The following USP49 variants were observed in gnomAD, a reference collection of about 807,000 sequenced individuals.
USP49 encodes the protein ubiquitin carboxyl-terminal hydrolase 49.
Under a neutral mutation model 58.6 loss-of-function variants are expected in USP49, and 24 were observed. That is an observed-to-expected ratio of 0.41 (90% CI 0.30 to 0.58). The LOEUF (loss-of-function observed/expected upper bound fraction) is 0.58. USP49 is among the 20% of genes least tolerant of loss of function. The pLI, the probability that USP49 is intolerant of heterozygous loss-of-function variation, is 0.30. For synonymous variants in USP49, 408 were observed against 365.1 expected (o/e 1.12, Z -1.34); for missense variants, 703 against 866.1 (o/e 0.81, Z 2.36).
At chr6:41,814,479 A>C (rs1773314595) in intron 3 of USP49, among the ~76,000 whole-genome samples, 1 of 152,200 alleles carries the variant, frequency 6.6e-6, no homozygotes, top group Non-Finnish European at 1.5e-5. Flanking sequence ...TAGGATTCTA[A>C]ATATTTCAAA....
At chr6:41,862,631 AT>A (rs1774242553) in intron 3 of USP49, among the ~76,000 whole-genome samples, 1 of 152,250 alleles carries the variant, frequency 6.6e-6, no homozygotes, top group Non-Finnish European at 1.5e-5. Flanking sequence ...AAACAATGTG[AT>A]TTAATGAACT....
At chr6:41,811,182 C>T (rs1773252208) in intron 3 of USP49, among the ~76,000 whole-genome samples, 1 of 152,170 alleles carries the variant, frequency 6.6e-6, no homozygotes, top group South Asian at 2.1e-4. Flanking sequence ...AGACTACTCT[C>T]AATCAAGCCA....
intron 3 of USP49, among the ~76,000 whole-genome samples, chr6:41,824,708 A>G (rs577899138): frequency 3.3e-5 from 5 of 152,198 alleles, no homozygotes; most frequent in Non-Finnish European, 7.3e-5. Context: ...CTCTGTCTCC[A>G]AAACAAAAAA....
rs199794823 is a variant in USP49 at position 41,802,074 on chromosome 6, ACT to A, written c.1561+1730_1561+1731del. On this transcript the variant is annotated intron_variant, in intron 5 of 7. Transcript: ENST00000682992. ...CTAATGAAACAATTTGATTCACCTG[ACT>A]CTGTATCTCAAAATGGAACAGGATA... Among the ~76,000 whole-genome samples the A allele has an allele frequency of 6.6e-3, 996 of 151,918 alleles. 13 individuals are homozygous for A. The highest frequency in any genetic ancestry group is 0.023 in the African/African-American group (947 of 41,432).
chr6:41,852,154 C>CA (rs947191437), intron 3 of USP49, among the ~76,000 whole-genome samples: 2 of 151,960 alleles, frequency 1.3e-5, no homozygotes, highest in African/African-American at 4.8e-5. Context: ...GGTAAAACCC[C>CA]ATCTCTACTA....
At chr6:41,841,207 C>T (rs1773821878) in intron 3 of USP49, among the ~76,000 whole-genome samples, 1 of 152,016 alleles carries the variant, frequency 6.6e-6, no homozygotes, top group East Asian at 1.9e-4. Context: ...TCCCCGCAAC[C>T]CAGAAGGGTC....
intron 3 of USP49, among the ~76,000 whole-genome samples, chr6:41,855,435 A>T (rs568986676): frequency 2.5e-4 from 38 of 152,096 alleles, no homozygotes; most frequent in African/African-American, 8.7e-4. Context: ...GAATCACTTG[A>T]ACCCAGGAGG....
intron 2 of USP49, among the ~76,000 whole-genome samples, chr6:41,872,026 A>G (rs904322881): frequency 2.6e-5 from 4 of 152,248 alleles, no homozygotes; most frequent in African/African-American, 9.6e-5. Flanking sequence ...ATTTTTGCGT[A>G]AGCAAAATAT....
chr6:41,848,733 T>C (rs576969229), intron 3 of USP49, among the ~76,000 whole-genome samples: 1 of 151,582 alleles, frequency 6.6e-6, no homozygotes, highest in Non-Finnish European at 1.5e-5. Flanking sequence ...CAGGCACCTG[T>C]AGTCCCAGCT....
intron 3 of USP49, among the ~76,000 whole-genome samples, chr6:41,828,575 T>TTC (rs1773582471): frequency 6.6e-6 from 1 of 152,248 alleles, no homozygotes; most frequent in Admixed American, 6.5e-5. Flanking sequence ...TAGGCTGTTT[T>TTC]ATATTTTTCA....
chr6:41,806,498 G>A lies in USP49; in HGVS notation c.486C>T (p.Ser162=). The change falls in exon 4 of 8, where the codon AGC becomes AGT. Residue 162 remains serine (S), a synonymous_variant. Transcript: ENST00000682992. The surrounding 1 kb of genome is among the most constrained non-coding windows in gnomAD (Gnocchi z 5.9). The stretch of plus-strand genomic sequence containing the variant: ...GCTCCAGCTTCGCCTGGCCCCGGGA[G>A]CTCTTCTCGAACCACAGCCGCAGCG... ...ARTLRLWFEK[S]SRGQAKLEQR... is the part of the protein sequence containing the mutation. The A allele has an allele frequency of 6.3e-7, 1 of 1,597,466 alleles. No homozygotes were observed. The highest frequency in any genetic ancestry group is 1.1e-5 in the South Asian group (1 of 90,874).
chr6:41,859,635 A>C (rs1266392671), intron 3 of USP49, among the ~76,000 whole-genome samples: 1 of 152,196 alleles, frequency 6.6e-6, no homozygotes, highest in East Asian at 1.9e-4. Context: ...CGAGTGAATA[A>C]ACAAATAACG....
At chr6:41,822,812 C>T (rs1225924239) in intron 3 of USP49, among the ~76,000 whole-genome samples, 2 of 112,496 alleles carry the variant, frequency 1.8e-5, no homozygotes, top group South Asian at 3.3e-4. Context: ...GAGTGAGACT[C>T]CATCTCAAAA....
chr6:41,884,829 TAATA>T (rs1447892300), intron 2 of USP49, among the ~76,000 whole-genome samples: 1 of 152,214 alleles, frequency 6.6e-6, no homozygotes, highest in Non-Finnish European at 1.5e-5. Context: ...CAGTAGCATA[TAATA>T]TATACTAAAA....
At chr6:41,856,861 C>T (rs1197348060) in intron 3 of USP49, among the ~76,000 whole-genome samples, 1 of 152,142 alleles carries the variant, frequency 6.6e-6, no homozygotes, top group East Asian at 1.9e-4. Context: ...TGTTGTTAAT[C>T]TCTTACTGTG....
rs34281670 is a variant in USP49, at chr6:41,817,150, C to CTTTTTTTTTTTTTTTTTTTTTTT, written c.-28-10140_-28-10139insAAAAAAAAAAAAAAAAAAAAAAA. ...CCACCACGCCTGGCTCCCACGCATG[C>CTTTTTTTTTTTTTTTTTTTTTTT]TTTTTTTTTTTTTTTTTGAGACAGA... On this transcript the variant is annotated intron_variant, in intron 3 of 7. Transcript: ENST00000682992. Among the ~76,000 whole-genome samples, 10 of 104,340 alleles carry CTTTTTTTTTTTTTTTTTTTTTTT rather than the reference C, an allele frequency of 9.6e-5. 1 individual carries two copies. Among genetic ancestry groups the CTTTTTTTTTTTTTTTTTTTTTTT allele is most frequent in the African/African-American group, 3.1e-4 (7 of 22,554 alleles). The allele number at this position is 104,340 out of a possible 152,430, so 68.5% of individuals were successfully genotyped here.
At chr6:41,857,667 G>A (rs1774154007) in intron 3 of USP49, among the ~76,000 whole-genome samples, 1 of 152,156 alleles carries the variant, frequency 6.6e-6, no homozygotes, top group African/African-American at 2.4e-5. Flanking sequence ...TCTAGAGTAT[G>A]AGGAACTCTT....
chr6:41,842,050 G>A (rs758225194), intron 3 of USP49, among the ~76,000 whole-genome samples: 7 of 147,762 alleles, frequency 4.7e-5, no homozygotes, highest in Non-Finnish European at 6.0e-5. Context: ...GAGCAAGACC[G>A]TGTCTCTAAT....
rs1340762051 is a variant in USP49, at chr6:41,802,458, TTA to T, written c.1561+1346_1561+1347del. Among the ~76,000 whole-genome samples the T allele has an allele frequency of 4.8e-5, 4 of 84,064 alleles. No homozygotes were observed. In the South Asian group the frequency reaches 1.2e-3, roughly 25 times the overall value. The allele number at this position is 84,064 out of a possible 152,430, so 55.1% of individuals were successfully genotyped here. On this transcript the variant is annotated intron_variant, in intron 5 of 7. Transcript: ENST00000682992. ...TTTATTTATTTATTTATTTATTTATTTATTTATTTATTTTTTATTTATTTTTT... is the reference window on the plus strand; with the variant it reads ...TTTATTTATTTATTTATTTATTTATTTTTATTTATTTTTTATTTATTTTTT...
Sources: gnomAD v4.1 joint callset for allele counts (sites outside exome capture counted in the v4.1 genomes callset) on GRCh38, gnomAD v4.1.1 for gene constraint, Gnocchi (gnomAD v3.1) non-coding constraint, MANE v1.5 for transcripts, NCBI Gene and HGNC (gene_info 2026-07-23, HGNC 2026-07-21) for gene names.